RBFOX1: variants seen among roughly 807,000 people sequenced by gnomAD.
The protein encoded by RBFOX1 is RNA binding fox-1 homolog 1.
RBFOX1 carries 8 observed loss-of-function variants against 57.7 expected under a neutral mutation model. The ratio of observed to expected loss-of-function variants is 0.14; its 90% CI spans 0.08 to 0.25. The LOEUF (loss-of-function observed/expected upper bound fraction) is 0.25. RBFOX1 is among the 10% of genes least tolerant of loss of function. The pLI is 1.00. For synonymous variants in RBFOX1, 326 were observed against 222.4 expected (o/e 1.47, Z -4.15); for missense variants, 611 against 548.5 (o/e 1.11, Z -1.14).
chr16:7,468,666 A>C (rs1287591729), intron 4 of RBFOX1, among the ~76,000 whole-genome samples: 1 of 152,158 alleles, frequency 6.6e-6, no homozygotes, highest in Non-Finnish European at 1.5e-5. Context: ...GGACACATGC[A>C]TGCATAGGAT....
At chr16:5,628,653 G>T (rs2151298418) in intron 3 of RBFOX1, among the ~76,000 whole-genome samples, 1 of 152,332 alleles carries the variant, frequency 6.6e-6, no homozygotes, top group South Asian at 2.1e-4. Flanking sequence ...TGAGACAGCT[G>T]CTGGGATAAA....
At chr16:5,952,269 G>C (rs918162375) in intron 4 of RBFOX1, among the ~76,000 whole-genome samples, 3 of 151,750 alleles carry the variant, frequency 2.0e-5, no homozygotes, top group East Asian at 1.9e-4. Flanking sequence ...TCCTGCCTCA[G>C]CCTCCTGAGT....
At chr16:6,783,977 C>A (rs956567033) in intron 3 of RBFOX1, among the ~76,000 whole-genome samples, 1 of 152,122 alleles carries the variant, frequency 6.6e-6, no homozygotes, top group Non-Finnish European at 1.5e-5. Flanking sequence ...CCCTCATGGC[C>A]TATAAGGTTT....
intron 3 of RBFOX1, among the ~76,000 whole-genome samples, chr16:7,025,022 C>T (rs111400267): frequency 0.038 from 5,735 of 152,176 alleles, 376 homozygotes; most frequent in African/African-American, 0.13. Context: ...ATCCCGACCC[C>T]AAGAGAGCGT....
chr16:5,718,374 A>C (rs1249858186), intron 3 of RBFOX1, among the ~76,000 whole-genome samples: 2 of 152,184 alleles, frequency 1.3e-5, no homozygotes, highest in East Asian at 3.9e-4. Flanking sequence ...TGACCCACAG[A>C]CACATATGTG....
chr16:6,032,472 C>T (rs1427246346), intron 1 of RBFOX1, among the ~76,000 whole-genome samples: 1 of 152,154 alleles, frequency 6.6e-6, no homozygotes, highest in East Asian at 1.9e-4. Flanking sequence ...GAAAGAGGCT[C>T]TTGAGCTTTT....
At chr16:6,860,267 T>C (rs1215067270) in intron 3 of RBFOX1, among the ~76,000 whole-genome samples, 2 of 152,218 alleles carry the variant, frequency 1.3e-5, no homozygotes, top group Non-Finnish European at 2.9e-5. Flanking sequence ...ATGGTACTTG[T>C]GGAAATACAT....
At chr16:6,669,648 T>C (rs2098752138) in intron 3 of RBFOX1, among the ~76,000 whole-genome samples, 1 of 152,188 alleles carries the variant, frequency 6.6e-6, no homozygotes, top group African/African-American at 2.4e-5. Flanking sequence ...TTCTTTTCTT[T>C]TGCGTGTGTG....
intron 3 of RBFOX1, among the ~76,000 whole-genome samples, chr16:6,895,468 A>ATG (rs2066630692): frequency 7.6e-6 from 1 of 131,366 alleles, no homozygotes. Flanking sequence ...ATATATATAT[A>ATG]TATATATATA....
chr16:5,672,729 T>C (rs1275746639), intron 3 of RBFOX1, among the ~76,000 whole-genome samples: 1 of 151,756 alleles, frequency 6.6e-6, no homozygotes, highest in Non-Finnish European at 1.5e-5. Context: ...AAAAAAACTT[T>C]AGCGGTTGTT....
rs1450076880 is a variant in RBFOX1, at chr16:5,946,403, C to G, written c.351+79068C>G. Among the ~76,000 whole-genome samples the G allele has an allele frequency of 6.6e-6, 1 of 152,178 alleles. No individual in the cohort carries two copies. On this transcript the variant is annotated intron_variant, in intron 4 of 19. Transcript: ENST00000641259. The surrounding 1 kb of genome is among the most constrained non-coding windows in gnomAD (Gnocchi z 4.6). The stretch of plus-strand genomic sequence containing the variant: ...TCATGGATGTTTATCAAACACCAAC[C>G]AAGTGCCGGATGCACTACTCTATCT...
At chr16:6,525,402 G>C (rs951236962) in intron 2 of RBFOX1, among the ~76,000 whole-genome samples, 1 of 152,136 alleles carries the variant, frequency 6.6e-6, no homozygotes, top group African/African-American at 2.4e-5. Flanking sequence ...ATGAAGCATT[G>C]GTAGGACCCT....
At chr16:7,499,813 G>C (rs914113967) in intron 4 of RBFOX1, among the ~76,000 whole-genome samples, 13 of 151,700 alleles carry the variant, frequency 8.6e-5, no homozygotes, top group Admixed American at 1.3e-4. Context: ...CTTCGCAGTT[G>C]TTGAGACAAT....
chr16:6,767,978 A>C (rs181219069), intron 3 of RBFOX1, among the ~76,000 whole-genome samples: 1 of 147,906 alleles, frequency 6.8e-6, no homozygotes, highest in East Asian at 2.0e-4. Flanking sequence ...GAAGAAGAAG[A>C]AGAAGAAGAA....
At chr16:6,099,915 CAAT>C (rs1567453399) in intron 1 of RBFOX1, among the ~76,000 whole-genome samples, 2 of 152,106 alleles carry the variant, frequency 1.3e-5, no homozygotes, top group East Asian at 3.9e-4. Flanking sequence ...TCATAGCAAA[CAAT>C]AAAATGGGTA....
chr16:5,386,956 C>T (rs1334538766), intron 1 of RBFOX1, among the ~76,000 whole-genome samples: 1 of 152,210 alleles, frequency 6.6e-6, no homozygotes, highest in African/African-American at 2.4e-5. Flanking sequence ...GAGGCTGAGG[C>T]AGTAGAATCT....
chr16:5,565,891 C>T (rs755090803), intron 2 of RBFOX1, among the ~76,000 whole-genome samples: 3 of 151,944 alleles, frequency 2.0e-5, no homozygotes, highest in Non-Finnish European at 4.4e-5. Context: ...TTGTAGCTCC[C>T]ATAATTCCCA....
rs143855873 is a variant in RBFOX1, at chr16:5,510,449, C to T, written c.258+43195C>T. ...GGAGTTGGCACTGGTGGAGCAGAAACATGGCCTCTCAAAGCCAAGTCCTGA... is the reference window on the plus strand; with the variant it reads ...GGAGTTGGCACTGGTGGAGCAGAAATATGGCCTCTCAAAGCCAAGTCCTGA... On this transcript the variant is annotated intron_variant, in intron 2 of 2. Transcript: ENST00000585867. 3.7e-4 allele frequency among the ~76,000 whole-genome samples: 56 copies of T among 152,260 alleles called. 3 individuals carry two copies. The East Asian group carries it at 0.01, about 28-fold the overall frequency.
intron 1 of RBFOX1, among the ~76,000 whole-genome samples, chr16:5,427,187 G>A (rs944088186): frequency 2.0e-5 from 3 of 152,176 alleles, no homozygotes; most frequent in African/African-American, 7.2e-5. Context: ...CAGAGAATTA[G>A]GATTCACCAG....
Sources: allele counts gnomAD v4.1 joint callset (sites outside exome capture counted in the v4.1 genomes callset), GRCh38; gene constraint gnomAD v4.1.1; non-coding constraint Gnocchi (gnomAD v3.1); transcripts MANE v1.5; gene names NCBI Gene and HGNC (gene_info 2026-07-23, HGNC 2026-07-21).